Variants in KIAA1328 observed in about 807,000 individuals in gnomAD.
KIAA1328 encodes KIAA1328, also known as protein hinderin.
Under a neutral mutation model 68.1 loss-of-function variants are expected in KIAA1328, and 52 were observed. The ratio of observed to expected loss-of-function variants is 0.76; its 90% CI spans 0.61 to 0.96. The LOEUF is 0.96. KIAA1328 is among the 40% of genes least tolerant of loss of function. The pLI, the probability that KIAA1328 is intolerant of heterozygous loss-of-function variation, is 0.00. For synonymous variants in KIAA1328, 232 were observed against 239.4 expected, an observed-to-expected ratio of 0.97 and a Z score of 0.28; for missense variants, 641 against 677.6, an observed-to-expected ratio of 0.95 and a Z score of 0.60.
intron 9 of KIAA1328, among the ~76,000 whole-genome samples, chr18:37,190,733 A>G (rs937557857): frequency 6.6e-6 from 1 of 152,110 alleles, no homozygotes; most frequent in African/African-American, 2.4e-5. Flanking sequence ...CCTTCAATTT[A>G]TCATTGATTT....
chr18:37,023,221 A>AT (rs2054416116), intron 6 of KIAA1328, among the ~76,000 whole-genome samples: 1 of 151,564 alleles, frequency 6.6e-6, no homozygotes, highest in Non-Finnish European at 1.5e-5. Context: ...TTTTATTTTT[A>AT]TTTATTTATT....
At chr18:37,094,583 A>G (rs191873006) in intron 7 of KIAA1328, among the ~76,000 whole-genome samples, 78 of 152,334 alleles carry the variant, frequency 5.1e-4, no homozygotes, top group Non-Finnish European at 7.9e-4. Flanking sequence ...TACACAAATG[A>G]GGAACAAAAG....
chr18:37,092,460 C>T (rs2151836420), intron 7 of KIAA1328, among the ~76,000 whole-genome samples: 1 of 152,054 alleles, frequency 6.6e-6, no homozygotes, highest in East Asian at 2.0e-4. Flanking sequence ...GGCACTTGTG[C>T]ACACAATCTG....
chr18:37,011,976 G>A (rs377494758), intron 6 of KIAA1328, among the ~76,000 whole-genome samples: 62 of 152,144 alleles, frequency 4.1e-4, no homozygotes, highest in Non-Finnish European at 6.2e-4. Flanking sequence ...AAAAAAGGCC[G>A]CATTTTTAGT....
At chr18:36,887,258 C>A (rs1289755062) in intron 5 of KIAA1328, among the ~76,000 whole-genome samples, 1 of 152,012 alleles carries the variant, frequency 6.6e-6, no homozygotes, top group Non-Finnish European at 1.5e-5. Flanking sequence ...AAGTGCTCAG[C>A]CAGTTTTATT....
chr18:37,025,205 G>A (rs961603286), intron 6 of KIAA1328, among the ~76,000 whole-genome samples: 1 of 152,118 alleles, frequency 6.6e-6, no homozygotes, highest in African/African-American at 2.4e-5. Context: ...CAATACAGGA[G>A]CACCCAGATT....
intron 5 of KIAA1328, among the ~76,000 whole-genome samples, chr18:36,940,271 A>T (rs116844129): frequency 6.6e-6 from 1 of 152,210 alleles, no homozygotes; most frequent in Non-Finnish European, 1.5e-5. Context: ...GAGCAGCTTG[A>T]TAAAATGCAG....
chr18:37,098,695 G>A lies in KIAA1328; in HGVS notation c.1232+31150G>A, dbSNP rs578143016. Among the ~76,000 whole-genome samples the A allele has an allele frequency of 2.0e-4, 31 of 152,134 alleles. No individual in the cohort carries two copies. The South Asian group carries it at 2.1e-3, about 10-fold the overall frequency. On this transcript the variant is annotated intron_variant, in intron 7 of 9. Coordinates refer to ENST00000280020, the MANE Select transcript of KIAA1328 (RefSeq NM_020776.3). ...TCTGGTAGAATTCGGCTGTGAATCC[G>A]TCTGGTCCTGGACTTTTTTTGGTTG... is the stretch of plus-strand genomic sequence containing the variant.
chr18:37,176,343 T>C (rs1182175185), intron 9 of KIAA1328, among the ~76,000 whole-genome samples: 1 of 152,230 alleles, frequency 6.6e-6, no homozygotes, highest in East Asian at 1.9e-4. Context: ...ATATCACTTA[T>C]CCTGATTTTA....
At chr18:36,956,546 G>C (rs905261230) in intron 5 of KIAA1328, among the ~76,000 whole-genome samples, 4 of 151,618 alleles carry the variant, frequency 2.6e-5, no homozygotes, top group East Asian at 1.9e-4. Flanking sequence ...AAGGAAGTGG[G>C]GGGGGGGTGC....
At chr18:37,144,419 TCCTTA>T (rs962146459) in intron 7 of KIAA1328, among the ~76,000 whole-genome samples, 12 of 152,100 alleles carry the variant, frequency 7.9e-5, no homozygotes, top group Non-Finnish European at 1.6e-4. Flanking sequence ...TCCTTCCTTC[TCCTTA>T]CCTTATATCT....
chr18:36,908,934 A>G (rs1405092752), intron 5 of KIAA1328, among the ~76,000 whole-genome samples: 2 of 152,146 alleles, frequency 1.3e-5, no homozygotes, highest in East Asian at 1.9e-4. Context: ...AAATTGGAGT[A>G]AGCTTTCTTA....
chr18:36,953,385 GA>G lies in KIAA1328; in HGVS notation c.449-5922del, dbSNP rs1198266393. Among the ~76,000 whole-genome samples the G allele has an allele frequency of 2.8e-4, 35 of 126,884 alleles. No homozygotes were observed. The East Asian group carries it at 6.6e-3, about 24-fold the overall frequency. 83.2% of individuals were successfully genotyped at this position (126,884 alleles called of 152,430 possible). Reference sequence around the variant, plus strand: ...CAATGCCAACAACTATAGATAGATAGATAGATAGATAGATAGATAGATAGAT... The same window carrying G: ...CAATGCCAACAACTATAGATAGATAGTAGATAGATAGATAGATAGATAGAT... On this transcript the variant is annotated intron_variant, in intron 5 of 9. Coordinates refer to ENST00000280020, the MANE Select transcript of KIAA1328 (RefSeq NM_020776.3).
intron 4 of KIAA1328, among the ~76,000 whole-genome samples, chr18:36,882,744 TG>T (rs1280420599): frequency 6.6e-6 from 1 of 152,192 alleles, no homozygotes; most frequent in Non-Finnish European, 1.5e-5. Flanking sequence ...GAATACATTT[TG>T]GGAAAAGCTC....
intron 7 of KIAA1328, among the ~76,000 whole-genome samples, chr18:37,127,538 A>C (rs549650747): frequency 6.6e-6 from 1 of 152,268 alleles, no homozygotes; most frequent in East Asian, 1.9e-4. Flanking sequence ...GGGGGACCCT[A>C]TCTCTACAAA....
chr18:36,941,234 T>C (rs1419285729), intron 5 of KIAA1328, among the ~76,000 whole-genome samples: 1 of 152,122 alleles, frequency 6.6e-6, no homozygotes, highest in Non-Finnish European at 1.5e-5. Context: ...ACATGTATAA[T>C]TTTTTTCTCC....
intron 7 of KIAA1328, among the ~76,000 whole-genome samples, chr18:37,142,942 G>GTTTTTTT (rs551875920): frequency 7.1e-6 from 1 of 140,366 alleles, no homozygotes. Flanking sequence ...ATTTACTTTG[G>GTTTTTTT]TTTTTTTTTT....
chr18:37,116,839 A>G (rs1229894307), intron 7 of KIAA1328, among the ~76,000 whole-genome samples: 2 of 152,236 alleles, frequency 1.3e-5, no homozygotes, highest in African/African-American at 4.8e-5. Context: ...ACTCCATCAA[A>G]AGTGGGTGAA....
intron 5 of KIAA1328, 84 bp from the exon 6 acceptor site, chr18:36,959,224 T>G: frequency 7.8e-7 from 1 of 1,286,960 alleles, no homozygotes; most frequent in Non-Finnish European, 1.0e-6. Context: ...GGTTCTGTTT[T>G]GTTTATTGGA....
Sources: allele counts gnomAD v4.1 joint callset (sites outside exome capture counted in the v4.1 genomes callset), GRCh38; gene constraint gnomAD v4.1.1; transcripts MANE v1.5; gene names NCBI Gene and HGNC (gene_info 2026-07-23, HGNC 2026-07-21).